The following CPNE3 variants were observed in gnomAD, a reference collection of about 807,000 sequenced individuals.
CPNE3 encodes the protein copine-3.
Under a neutral mutation model 63.9 loss-of-function variants are expected in CPNE3, and 68 were observed. The ratio of observed to expected loss-of-function variants is 1.06; its 90% CI spans 0.87 to 1.30. The LOEUF (loss-of-function observed/expected upper bound fraction) is 1.30. Among genes scored for constraint, CPNE3 ranks in the 50% most tolerant of loss-of-function variants. The pLI is 0.00. For synonymous variants in CPNE3, 219 were observed against 197.5 expected (o/e 1.11, Z -0.91); for missense variants, 665 against 578.1 (o/e 1.15, Z -1.54).
chr8:86,553,335 A>G (rs888016569), intron 14 of CPNE3, among the ~76,000 whole-genome samples: 2 of 152,142 alleles, frequency 1.3e-5, no homozygotes, highest in African/African-American at 4.8e-5. Flanking sequence ...GAACTCTTAC[A>G]TTTTAAGAGA....
rs767081794 is a variant in CPNE3, at chr8:86,528,910, T to C, written c.133-35T>C. 7.6e-5 allele frequency: 120 copies of C among 1,570,910 alleles called. No homozygotes were observed. In the Admixed American group the frequency reaches 2.2e-3, roughly 29 times the overall value. ...TGAAAATCCAAGTGCACCTTTGATC[T>C]GAAGAAACTTTTTTGTTTTTGCGGA... On this transcript the variant is annotated intron_variant, in intron 3 of 16. Coordinates refer to ENST00000517490, the MANE Select transcript of CPNE3 (RefSeq NM_003909.5).
In CPNE3 at chr8:86,541,262, T is replaced by C. The variant is rs530927681; in HGVS notation, c.633+928T>C. On this transcript the variant is annotated intron_variant, in intron 8 of 16. Transcript: ENST00000517490. ...ACTTCTTCACATTTACTTATTTATT[T>C]ATTTTGCTTATTAGTAGGAAGCTTC... 6.6e-5 allele frequency among the ~76,000 whole-genome samples: 10 copies of C among 152,338 alleles called. No individual in the cohort carries two copies. The Middle Eastern group carries it at 0.014, about 207-fold the overall frequency.
chr8:86,518,196 G>C (rs1820355840), intron 2 of CPNE3, among the ~76,000 whole-genome samples: 1 of 152,176 alleles, frequency 6.6e-6, no homozygotes, highest in Non-Finnish European at 1.5e-5. Context: ...CCCCTACAAA[G>C]AAAAGGAAAG....
At chr8:86,527,946 A>ATTTTTTTTT (rs869225401) in intron 2 of CPNE3, among the ~76,000 whole-genome samples, 13,270 of 85,562 alleles carry the variant, frequency 0.16, 2,443 homozygotes, top group Non-Finnish European at 0.21. Context: ...GTAAAAAGAA[A>ATTTTTTTTT]TTTTTTTTTT....
chr8:86,561,133 T>C lies in CPNE3; in HGVS notation c.*2723T>C, dbSNP rs1240186611. ...CAAAGTAAATTCAGGGCCCCATTGC[T>C]ACTTATGCCATATTTGGACATACTT... On this transcript the variant is annotated 3_prime_UTR_variant, in exon 17 of 17. Transcript: ENST00000517490. 1.3e-5 allele frequency: 2 copies of C among 152,250 alleles called. No individual in the cohort carries two copies. Among genetic ancestry groups the C allele is most frequent in the East Asian group, 3.8e-4 (2 of 5,198 alleles). 9.4% of individuals were successfully genotyped at this position (152,250 alleles called of 1,614,324 possible).
At chr8:86,532,685 AG>A (rs1422492422) in intron 6 of CPNE3, 105 bp downstream of exon 6, 2 of 965,314 alleles carry the variant, frequency 2.1e-6, no homozygotes, top group Non-Finnish European at 3.2e-6. Context: ...AGCATCACAT[AG>A]GGTACTAGTT....
intron 10 of CPNE3, 59 bp from the exon 11 acceptor site, chr8:86,547,652 T>A (rs1344809117): frequency 3.0e-6 from 2 of 676,916 alleles, no homozygotes; most frequent in Non-Finnish European, 5.0e-6. Flanking sequence ...TGCCAAAGAG[T>A]TTTTTGCTTC....
intron 14 of CPNE3, among the ~76,000 whole-genome samples, chr8:86,552,432 A>C (rs1227107965): frequency 6.6e-6 from 1 of 152,144 alleles, no homozygotes; most frequent in Non-Finnish European, 1.5e-5. Context: ...TCATTTTTAT[A>C]ATGAAAGTGG....
rs1435827051 is a variant in CPNE3 at position 86,560,136 on chromosome 8, G to A, written c.*1726G>A. The A allele has an allele frequency of 6.6e-6, 1 of 152,166 alleles. No homozygotes were observed. The highest frequency in any genetic ancestry group is 1.5e-5 in the Non-Finnish European group (1 of 68,038). The allele number at this position is 152,166 out of a possible 1,614,324, so 9.4% of individuals were successfully genotyped here. A position where few individuals can be genotyped will look rare whatever the true frequency, so the allele number is the denominator to read the frequency against. On this transcript the variant is annotated 3_prime_UTR_variant, in exon 17 of 17. Coordinates refer to ENST00000517490, the MANE Select transcript of CPNE3 (RefSeq NM_003909.5). ...TAGTAGCCTGCTACTCCATAGTATG[G>A]CTCAATAGATGACACATCATTTTGA...
At chr8:86,528,480 G>A in intron 2 of CPNE3, 56 bp from the exon 3 acceptor site, 4 of 1,593,290 alleles carry the variant, frequency 2.5e-6, no homozygotes, top group Admixed American at 3.5e-5. Context: ...TTAGGAATGA[G>A]TGTGCTTCTT....
At chr8:86,552,769 G>T (rs1160924259) in intron 14 of CPNE3, among the ~76,000 whole-genome samples, 1 of 150,750 alleles carries the variant, frequency 6.6e-6, no homozygotes, top group Non-Finnish European at 1.5e-5. Context: ...AAGGGTTTTG[G>T]CATAATTCAG....
rs373704364 is a variant in CPNE3, at chr8:86,548,361, A to G, written c.940A>G (p.Ile314Val). ...AAGGTCTCCAGACTCCCTTCATTAC[A>G]TCAGCCCCAATGGCGTTAATGAGTA... ...DPRSPDSLHY[I>V]SPNGVNEYLT... Residue 314 changes from isoleucine (I) to valine (V), a missense_variant, in exon 12 of 17, where the codon ATC becomes GTC. Transcript: ENST00000517490. 9 of 1,614,040 alleles carry G rather than the reference A, an allele frequency of 5.6e-6. No individual in the cohort carries two copies. The African/African-American group carries it at 8.0e-5, about 14-fold the overall frequency.
intron 16 of CPNE3, 67 bp downstream of exon 16, chr8:86,556,405 C>T: frequency 2.4e-6 from 2 of 847,208 alleles, no homozygotes; most frequent in East Asian, 2.4e-5. Context: ...CATCTACAAC[C>T]AGGCAGTTGA....
intron 2 of CPNE3, among the ~76,000 whole-genome samples, chr8:86,521,313 T>A (rs1820430622): frequency 6.6e-6 from 1 of 152,198 alleles, no homozygotes; most frequent in African/African-American, 2.4e-5. Context: ...TATAAACCAT[T>A]CCAGTTCTTC....
Position 86,548,210 on chromosome 8 carries a change from G to C in CPNE3, c.880-91G>C. The C allele has an allele frequency of 3.6e-6, 5 of 1,372,720 alleles. No individual in the cohort carries two copies. In the Admixed American group the frequency reaches 8.4e-5, roughly 23 times the overall value. 85.0% of individuals were successfully genotyped at this position (1,372,720 alleles called of 1,614,324 possible). ...TTAGGAAGTAGGCGCCAGGATGCAT[G>C]ATTGTATCCCATCTCTTGAAGTTTT... On this transcript the variant is annotated intron_variant, in intron 11 of 16. Coordinates refer to ENST00000517490, the MANE Select transcript of CPNE3 (RefSeq NM_003909.5).
At chr8:86,536,159 T>G (rs1285953269) in intron 6 of CPNE3, among the ~76,000 whole-genome samples, 1 of 151,772 alleles carries the variant, frequency 6.6e-6, no homozygotes, top group Non-Finnish European at 1.5e-5. Context: ...TGTTTTATAA[T>G]TTAATCATTC....
At chr8:86,529,504 G>A (rs1820622933) in intron 4 of CPNE3, among the ~76,000 whole-genome samples, 1 of 151,862 alleles carries the variant, frequency 6.6e-6, no homozygotes, top group African/African-American at 2.4e-5. Flanking sequence ...CTGCTGACTC[G>A]CAATGCCCCA....
At chr8:86,531,359 C>T in intron 5 of CPNE3, 130 bp downstream of exon 5, 1 of 663,664 alleles carries the variant, frequency 1.5e-6, no homozygotes, top group Admixed American at 2.3e-5. Context: ...ATTCCATCCA[C>T]CCATGTCTTG....
chr8:86,542,652 G>A (rs1448207716), intron 8 of CPNE3, among the ~76,000 whole-genome samples: 2 of 151,290 alleles, frequency 1.3e-5, no homozygotes, highest in Non-Finnish European at 3.0e-5. Flanking sequence ...ATATTGTTAT[G>A]CTTACCATTG....
Sources: gnomAD v4.1 joint callset for allele counts (sites outside exome capture counted in the v4.1 genomes callset) on GRCh38, gnomAD v4.1.1 for gene constraint, MANE v1.5 for transcripts, NCBI Gene and HGNC (gene_info 2026-07-23, HGNC 2026-07-21) for gene names.